PRDM11: variants seen among roughly 807,000 people sequenced by gnomAD.
The protein encoded by PRDM11 is PR domain-containing protein 11.
A neutral mutation model predicts 97.8 loss-of-function variants in PRDM11; 20 were observed. That is an observed-to-expected ratio of 0.20 (90% CI 0.14 to 0.30). The LOEUF (loss-of-function observed/expected upper bound fraction) is 0.30, where lower values mean the gene tolerates loss of function less well. Among genes scored for constraint, PRDM11 ranks in the 10% least tolerant of loss-of-function variants. The pLI is 1.00. For missense variants in PRDM11, 1,139 were observed against 1,555.2 expected (o/e 0.73, Z 4.50); for synonymous variants, 599 against 637.7 (o/e 0.94, Z 0.91).
chr11:45,101,607 AGGGCTC>A (rs1565220184), intron 1 of PRDM11, among the ~76,000 whole-genome samples: 18 of 149,566 alleles, frequency 1.2e-4, no homozygotes, highest in African/African-American at 3.7e-4. Context: ...GAAGGCGTTC[AGGGCTC>A]AGAGCTAGAG....
intron 1 of PRDM11, among the ~76,000 whole-genome samples, chr11:45,155,083 G>A (rs749314567): frequency 9.2e-5 from 14 of 152,214 alleles, no homozygotes; most frequent in Non-Finnish European, 1.6e-4. Context: ...AGTTGAGGGC[G>A]AGAGTGGGCC....
chr11:45,222,518 C>T (rs1441279669), intron 6 of PRDM11, among the ~76,000 whole-genome samples: 8 of 152,210 alleles, frequency 5.3e-5, no homozygotes, highest in African/African-American at 4.8e-5. Flanking sequence ...CTCCATCTCT[C>T]CCCTTTCTGT....
At chr11:45,131,235 G>A (rs886501430) in intron 1 of PRDM11, among the ~76,000 whole-genome samples, 1 of 152,210 alleles carries the variant, frequency 6.6e-6, no homozygotes, top group Non-Finnish European at 1.5e-5. Context: ...GGTTACTTCT[G>A]TGGGTACTGG....
chr11:45,219,502 T>G lies in PRDM11; in HGVS notation c.555-68T>G, dbSNP rs910129674. The G allele has an allele frequency of 6.9e-7, 1 of 1,448,246 alleles. No homozygotes were observed. The highest frequency in any genetic ancestry group is 1.4e-5 in the African/African-American group (1 of 71,738). The allele number at this position is 1,448,246 out of a possible 1,614,324, so 89.7% of individuals were successfully genotyped here. A position where few individuals can be genotyped will look rare whatever the true frequency, so the allele number is the denominator to read the frequency against. ...AACCATCCACACTTGCCCAGCACTGTGCCGGCACCAGCGGGCACTCAACAA... is the reference window on the plus strand; with the variant it reads ...AACCATCCACACTTGCCCAGCACTGGGCCGGCACCAGCGGGCACTCAACAA... On this transcript the variant is annotated intron_variant, in intron 5 of 7. Transcript: ENST00000683152. The surrounding 1 kb of genome is among the most constrained non-coding windows in gnomAD (Gnocchi z 4.2).
rs1854286387 is a variant in PRDM11 at position 45,226,814 on chromosome 11, G to A, written c.2189G>A (p.Gly730Asp). Reference sequence around the variant, plus strand: ...GATGAAAAGCCAACTGTTGGCTTGGGTGTAGATGGAGCCAACATCACAGCC... The same window carrying A: ...GATGAAAAGCCAACTGTTGGCTTGGATGTAGATGGAGCCAACATCACAGCC... ...LQDEKPTVGL[G>D]VDGANITASL... is the part of the protein sequence containing the mutation. The change falls in exon 8 of 8, where the codon GGT becomes GAT. Residue 730 changes from glycine (G) to aspartate (D), a missense_variant. By Grantham distance (94) the Gly-to-Asp change is moderately conservative. Around this residue, in one of 2 missense-constraint regions of PRDM11, gnomAD observed 710 missense variants for 1,044.9 expected, o/e 0.68. Coordinates refer to ENST00000683152, the MANE Select transcript of PRDM11 (RefSeq NM_001384648.1). 1.3e-6 allele frequency: 2 copies of A among 1,533,782 alleles called. No individual in the cohort carries two copies. Among genetic ancestry groups the A allele is most frequent in the African/African-American group, 1.4e-5 (1 of 72,930 alleles).
Position 45,232,855 on chromosome 11 carries a change from A to C in PRDM11, c.*4696A>C, listed in dbSNP as rs889385467. On this transcript the variant is annotated 3_prime_UTR_variant, in exon 8 of 8. Coordinates refer to ENST00000683152, the MANE Select transcript of PRDM11 (RefSeq NM_001384648.1). ...GTTTGCATGTTAGCCAGAGGGAGAA[A>C]AAGTGCCCTTTTGGGAGGAAAATGG... 1 of 152,114 alleles carries C rather than the reference A, an allele frequency of 6.6e-6. No homozygotes were observed. The highest frequency in any genetic ancestry group is 2.4e-5 in the African/African-American group (1 of 41,412). 9.4% of individuals were successfully genotyped at this position (152,114 alleles called of 1,614,324 possible). A position where few individuals can be genotyped will look rare whatever the true frequency, so the allele number is the denominator to read the frequency against.
chr11:45,120,396 A>G (rs1304719884), intron 1 of PRDM11, among the ~76,000 whole-genome samples: 1 of 152,198 alleles, frequency 6.6e-6, no homozygotes, highest in Non-Finnish European at 1.5e-5. Flanking sequence ...CAGGATAGAT[A>G]CAATGTAAAA....
At chr11:45,119,563 G>A (rs892416237) in intron 1 of PRDM11, among the ~76,000 whole-genome samples, 2 of 147,574 alleles carry the variant, frequency 1.4e-5, no homozygotes, top group African/African-American at 5.0e-5. Context: ...CCCAGTGGGT[G>A]GAGCCTGCAG....
chr11:45,110,754 C>T (rs1254588117), intron 1 of PRDM11, among the ~76,000 whole-genome samples: 1 of 152,140 alleles, frequency 6.6e-6, no homozygotes, highest in Non-Finnish European at 1.5e-5. Flanking sequence ...ACATCCCATT[C>T]CCTCACCCAT....
chr11:45,200,579 CT>C (rs766388258), intron 4 of PRDM11, among the ~76,000 whole-genome samples: 23 of 152,348 alleles, frequency 1.5e-4, no homozygotes, highest in Non-Finnish European at 2.6e-4. Context: ...CTCCATGGCT[CT>C]TACTACCCTC....
intron 4 of PRDM11, among the ~76,000 whole-genome samples, chr11:45,195,738 T>C (rs905897773): frequency 1.3e-5 from 2 of 151,966 alleles, no homozygotes; most frequent in Non-Finnish European, 2.9e-5. Context: ...TATGCCCAGC[T>C]CTTTTTTTTT....
intron 1 of PRDM11, among the ~76,000 whole-genome samples, chr11:45,124,598 A>C (rs529826133): frequency 0.026 from 3,959 of 152,268 alleles, 180 homozygotes; most frequent in African/African-American, 0.091. Context: ...TGAGATAATC[A>C]TGTGGTTTTT....
In PRDM11 at chr11:45,165,533, G is replaced by A. The variant is rs139726099; in HGVS notation, c.-6-16228G>A. On this transcript the variant is annotated intron_variant, in intron 1 of 7. Coordinates refer to ENST00000683152, the MANE Select transcript of PRDM11 (RefSeq NM_001384648.1). Reference sequence around the variant, plus strand: ...ACACTCAGATGCCCAGCCCAGGCGGGGGGCACATGTGAATGACACAGGCTG... The same window carrying A: ...ACACTCAGATGCCCAGCCCAGGCGGAGGGCACATGTGAATGACACAGGCTG... Among the ~76,000 whole-genome samples the A allele has an allele frequency of 2.1e-3, 325 of 152,316 alleles. 1 individual carries two copies. Among genetic ancestry groups the A allele is most frequent in the African/African-American group, 7.1e-3 (295 of 41,560 alleles).
intron 6 of PRDM11, among the ~76,000 whole-genome samples, chr11:45,220,211 G>A (rs538355581): frequency 1.1e-3 from 162 of 152,254 alleles, no homozygotes; most frequent in Non-Finnish European, 2.0e-3. Flanking sequence ...TGGGTATCTG[G>A]GAACCCCTGT....
At chr11:45,108,404 T>C (rs888708020) in intron 1 of PRDM11, among the ~76,000 whole-genome samples, 1 of 152,220 alleles carries the variant, frequency 6.6e-6, no homozygotes, top group African/African-American at 2.4e-5. Flanking sequence ...TTCTGACTGT[T>C]GGTCCCATGA....
chr11:45,173,570 C>T (rs553925908), intron 1 of PRDM11, among the ~76,000 whole-genome samples: 3 of 149,742 alleles, frequency 2.0e-5, no homozygotes, highest in Admixed American at 1.3e-4. Flanking sequence ...TGCAGTGAGC[C>T]GAGATCACGC....
At position 45,224,404 on chromosome 11, in the gene PRDM11, G is replaced by C. The variant is rs949576150; in HGVS notation, c.930G>C (p.Glu310Asp). Residue 310 changes from glutamate (E) to aspartate (D), a missense_variant, in exon 7 of 8, where the codon GAG (glutamate) becomes GAC (aspartate). Physicochemically the swap from Glu to Asp is conservative, Grantham distance 45. This residue lies in a region of PRDM11 where 429 missense variants were observed against 510.3 expected (regional missense o/e 0.84). Coordinates refer to ENST00000683152, the MANE Select transcript of PRDM11 (RefSeq NM_001384648.1). Reference protein sequence around the residue: ...KIDLIFKDVLEASLESAKVEA... With the variant: ...KIDLIFKDVLDASLESAKVEA... ...ACCTGATTTTCAAGGATGTTCTGGAGGCCTCACTGGAATCTGCGAAGGTGG... is the reference window on the plus strand; with the variant it reads ...ACCTGATTTTCAAGGATGTTCTGGACGCCTCACTGGAATCTGCGAAGGTGG... 2 of 1,614,072 alleles carry C rather than the reference G, an allele frequency of 1.2e-6. No individual in the cohort carries two copies. Among genetic ancestry groups the C allele is most frequent in the African/African-American group, 2.7e-5 (2 of 74,922 alleles).
intron 1 of PRDM11, among the ~76,000 whole-genome samples, chr11:45,098,376 G>C (rs1225840747): frequency 2.0e-5 from 3 of 152,254 alleles, no homozygotes; most frequent in Non-Finnish European, 4.4e-5. Context: ...AGACACCAGG[G>C]AAGGAAGAGC....
intron 1 of PRDM11, among the ~76,000 whole-genome samples, chr11:45,132,911 TGATG>T (rs1852750599): frequency 6.6e-6 from 1 of 152,226 alleles, no homozygotes; most frequent in South Asian, 2.1e-4. Context: ...AGGAAAATAC[TGATG>T]GCTCAGCCAT....
Sources: gnomAD v4.1 joint callset for allele counts (sites outside exome capture counted in the v4.1 genomes callset) on GRCh38, gnomAD v4.1.1 for gene constraint, gnomAD v4.1.1 regional missense constraint, Gnocchi (gnomAD v3.1) non-coding constraint, MANE v1.5 for transcripts, NCBI Gene and HGNC (gene_info 2026-07-23, HGNC 2026-07-21) for gene names.